KCNT2: variants seen among roughly 807,000 people sequenced by gnomAD.
The protein encoded by KCNT2 is potassium sodium-activated channel subfamily T member 2.
In KCNT2, 67 loss-of-function variants were observed where a neutral mutation model predicts 153.8. The ratio of observed to expected loss-of-function variants is 0.44; its 90% CI spans 0.36 to 0.53. KCNT2 has a LOEUF of 0.53. Ranked by LOEUF, KCNT2 falls within the 20% of genes least tolerant of loss-of-function variation. The pLI is 0.00. For synonymous variants in KCNT2, 500 were observed against 458.8 expected, an observed-to-expected ratio of 1.09 and a Z score of -1.15; for missense variants, 975 against 1,354.8, an observed-to-expected ratio of 0.72 and a Z score of 4.40.
chr1:196,500,831 T>C (rs1222881815), intron 1 of KCNT2, among the ~76,000 whole-genome samples: 1 of 152,020 alleles, frequency 6.6e-6, no homozygotes, highest in Non-Finnish European at 1.5e-5. Flanking sequence ...GAATCTACAA[T>C]GAACTCAAAC....
intron 8 of KCNT2, among the ~76,000 whole-genome samples, chr1:196,439,622 A>C (rs1050380190): frequency 1.3e-5 from 2 of 152,002 alleles, no homozygotes; most frequent in Admixed American, 6.6e-5. Context: ...AAAATTTTGC[A>C]GGTAGAAGGT....
intron 1 of KCNT2, among the ~76,000 whole-genome samples, chr1:196,607,915 A>G (rs1665498065): frequency 6.6e-6 from 1 of 152,198 alleles, no homozygotes. Context: ...TACCTCTGAT[A>G]CCAGCCTTAT....
chr1:196,561,756 G>GTTGGGATA (rs1228260399), intron 1 of KCNT2, among the ~76,000 whole-genome samples: 1 of 150,556 alleles, frequency 6.6e-6, no homozygotes, highest in African/African-American at 2.4e-5. Context: ...GTCCAAAGCG[G>GTTGGGATA]TTGGGATACA....
chr1:196,280,336 A>C (rs1262466439), intron 25 of KCNT2, among the ~76,000 whole-genome samples: 1 of 152,216 alleles, frequency 6.6e-6, no homozygotes, highest in Admixed American at 6.5e-5. Context: ...ACTGAGGTTT[A>C]CTTTGGGAAG....
Position 196,303,464 on chromosome 1 carries a change from A to G in KCNT2, c.2595+1770T>C, listed in dbSNP as rs1311644464. On this transcript the variant is annotated intron_variant, in intron 22 of 27. Transcript: ENST00000294725. ...AGCATGTCAATACAAATGCTCACAA[A>G]TACTGAAATTACCTTCCACAATTAT... Among the ~76,000 whole-genome samples the G allele has an allele frequency of 3.3e-5, 5 of 152,296 alleles. No homozygotes were observed. In the East Asian group the frequency reaches 9.7e-4, roughly 29 times the overall value.
chr1:196,547,773 T>C (rs1015283190), intron 1 of KCNT2, among the ~76,000 whole-genome samples: 2 of 151,890 alleles, frequency 1.3e-5, no homozygotes, highest in Non-Finnish European at 2.9e-5. Flanking sequence ...TTTTATTTTT[T>C]AAATGGAAAA....
chr1:196,541,109 T>A (rs1197607654), intron 1 of KCNT2, among the ~76,000 whole-genome samples: 2 of 132,286 alleles, frequency 1.5e-5, no homozygotes, highest in Non-Finnish European at 3.2e-5. Flanking sequence ...AAAAATCTAT[T>A]TATATTCGTT....
At chr1:196,363,909 AT>A (rs1667829159) in intron 14 of KCNT2, among the ~76,000 whole-genome samples, 1 of 152,172 alleles carries the variant, frequency 6.6e-6, no homozygotes, top group African/African-American at 2.4e-5. Context: ...GCAAACATAC[AT>A]AGAGGCACAT....
Position 196,468,974 on chromosome 1 carries a change from A to G in KCNT2, c.459+20T>C. Reference sequence around the variant, plus strand: ...AGTCTAATTACAAAAGTGTTTTTTTAAGGTTCTTTTAGGACTTACTGAGAT... The same window carrying G: ...AGTCTAATTACAAAAGTGTTTTTTTGAGGTTCTTTTAGGACTTACTGAGAT... On this transcript the variant is annotated intron_variant, in intron 6 of 27. Transcript: ENST00000294725. The G allele has an allele frequency of 6.7e-7, 1 of 1,484,734 alleles. No homozygotes were observed. Among genetic ancestry groups the G allele is most frequent in the South Asian group, 1.2e-5 (1 of 85,374 alleles). 92.0% of individuals were successfully genotyped at this position (1,484,734 alleles called of 1,614,324 possible). A position where few individuals can be genotyped will look rare whatever the true frequency, so the allele number is the denominator to read the frequency against.
At chr1:196,298,104 T>C (rs1660843454) in intron 22 of KCNT2, among the ~76,000 whole-genome samples, 1 of 152,222 alleles carries the variant, frequency 6.6e-6, no homozygotes, top group African/African-American at 2.4e-5. Context: ...ATCGTTTTGT[T>C]CTACCACTGA....
chr1:196,590,694 C>T (rs1663236483), intron 1 of KCNT2, among the ~76,000 whole-genome samples: 1 of 152,140 alleles, frequency 6.6e-6, no homozygotes, highest in Non-Finnish European at 1.5e-5. Flanking sequence ...TTAAGTAAAA[C>T]AAAGCTCCTG....
intron 19 of KCNT2, among the ~76,000 whole-genome samples, 169 bp from the exon 20 acceptor site, chr1:196,319,724 A>C (rs898959134): frequency 2.0e-5 from 3 of 151,830 alleles, no homozygotes; most frequent in African/African-American, 7.2e-5. Context: ...TGTCATTTGC[A>C]CTTGTTATGA....
At chr1:196,606,970 A>G (rs930556409) in intron 1 of KCNT2, among the ~76,000 whole-genome samples, 5 of 152,182 alleles carry the variant, frequency 3.3e-5, no homozygotes, top group Non-Finnish European at 5.9e-5. Context: ...TTTTTAGCCA[A>G]TATGTGTGGT....
At position 196,492,246 on chromosome 1, in the gene KCNT2, G is replaced by T; in HGVS notation, c.175+16C>A. ...AATATATGTACGAACAGAGGGGAAT[G>T]AAATGAATAACTTACTTGATCTCTG... On this transcript the variant is annotated intron_variant, in intron 2 of 27. Coordinates refer to ENST00000294725, the MANE Select transcript of KCNT2 (RefSeq NM_198503.5). 7.1e-7 allele frequency: 1 copy of T among 1,411,798 alleles called. No homozygotes were observed. Among genetic ancestry groups the T allele is most frequent in the South Asian group, 1.4e-5 (1 of 70,534 alleles). 87.5% of individuals were successfully genotyped at this position (1,411,798 alleles called of 1,614,324 possible). A position where few individuals can be genotyped will look rare whatever the true frequency, so the allele number is the denominator to read the frequency against.
intron 5 of KCNT2, 118 bp from the exon 6 acceptor site, chr1:196,469,186 G>A: frequency 1.6e-6 from 1 of 633,594 alleles, no homozygotes; most frequent in Non-Finnish European, 2.9e-6. Flanking sequence ...ACAGAATACT[G>A]AATATTATAT....
At chr1:196,388,205 T>C (rs1177281246) in intron 13 of KCNT2, among the ~76,000 whole-genome samples, 1 of 151,796 alleles carries the variant, frequency 6.6e-6, no homozygotes, top group Admixed American at 6.6e-5. Context: ...CTTGGCATCG[T>C]TGATGAAAAT....
chr1:196,471,654 A>C (rs1678117422), intron 5 of KCNT2, among the ~76,000 whole-genome samples: 1 of 152,218 alleles, frequency 6.6e-6, no homozygotes, highest in South Asian at 2.1e-4. Context: ...GTTAATGCCC[A>C]GCAAAATTCG....
At chr1:196,346,558 ATTTTT>A (rs2148187910) in intron 14 of KCNT2, among the ~76,000 whole-genome samples, 1 of 152,210 alleles carries the variant, frequency 6.6e-6, no homozygotes, top group South Asian at 2.1e-4. Context: ...ACTGCACATT[ATTTTT>A]AAGTATATAA....
intron 8 of KCNT2, among the ~76,000 whole-genome samples, chr1:196,432,031 G>A (rs549177086): frequency 6.6e-6 from 1 of 152,004 alleles, no homozygotes; most frequent in Non-Finnish European, 1.5e-5. Flanking sequence ...TTTCAACGGA[G>A]GAAACCAGGG....
Sources: gnomAD v4.1 joint callset for allele counts (sites outside exome capture counted in the v4.1 genomes callset) on GRCh38, gnomAD v4.1.1 for gene constraint, MANE v1.5 for transcripts, NCBI Gene and HGNC (gene_info 2026-07-23, HGNC 2026-07-21) for gene names.